ULK4: variants seen among roughly 807,000 people sequenced by gnomAD.
ULK4 encodes the protein unc-51 like kinase 4.
Under a neutral mutation model 160.6 loss-of-function variants are expected in ULK4, and 133 were observed. That is an observed-to-expected ratio of 0.83 (90% confidence interval 0.72 to 0.96). The LOEUF (loss-of-function observed/expected upper bound fraction) is 0.96, where lower values mean the gene tolerates loss of function less well. ULK4 is among the 40% of genes least tolerant of loss of function. The probability of loss-of-function intolerance (pLI) is 0.00; values close to 1 mark genes in which losing one functional copy is unlikely to be tolerated. For missense variants in ULK4, 1,580 were observed against 1,499.5 expected (o/e 1.05, Z -0.89); for synonymous variants, 534 against 539.8 (o/e 0.99, Z 0.15).
intron 27 of ULK4, among the ~76,000 whole-genome samples, chr3:41,691,601 T>C (rs528969254): frequency 1.4e-4 from 21 of 151,832 alleles, no homozygotes; most frequent in Non-Finnish European, 2.4e-4. Context: ...CTTCCAAATA[T>C]CCATTTTAAA....
intron 30 of ULK4, among the ~76,000 whole-genome samples, chr3:41,635,262 G>A (rs558344832): frequency 1.4e-4 from 21 of 152,150 alleles, no homozygotes; most frequent in African/African-American, 5.1e-4. Flanking sequence ...CCATTGAAAA[G>A]GCTATCTTGT....
At chr3:41,678,455 C>T (rs147092342) in intron 29 of ULK4, among the ~76,000 whole-genome samples, 2 of 152,072 alleles carry the variant, frequency 1.3e-5, no homozygotes, top group Non-Finnish European at 2.9e-5. Context: ...AACCATTTAA[C>T]TACCAAGTGG....
At chr3:41,382,751 A>G (rs2081687094) in intron 35 of ULK4, among the ~76,000 whole-genome samples, 1 of 152,180 alleles carries the variant, frequency 6.6e-6, no homozygotes, top group African/African-American at 2.4e-5. Context: ...AATATTGTAA[A>G]TATCAACTGA....
At chr3:41,602,217 A>G (rs894628811) in intron 31 of ULK4, among the ~76,000 whole-genome samples, 1 of 150,322 alleles carries the variant, frequency 6.7e-6, no homozygotes, top group Non-Finnish European at 1.5e-5. Context: ...GAAGGGAAGG[A>G]AGAGAAGAAA....
chr3:41,844,939 T>C (rs551135714), intron 17 of ULK4, among the ~76,000 whole-genome samples: 38 of 152,054 alleles, frequency 2.5e-4, no homozygotes, highest in Non-Finnish European at 4.3e-4. Flanking sequence ...TTATTTGTAA[T>C]TGTCAAAACT....
At chr3:41,331,868 T>C (rs2080449362) in intron 35 of ULK4, among the ~76,000 whole-genome samples, 1 of 152,198 alleles carries the variant, frequency 6.6e-6, no homozygotes, top group African/African-American at 2.4e-5. Flanking sequence ...AGGTGATCAA[T>C]GGATGTTTGT....
chr3:41,864,171 C>T (rs1429990633), intron 17 of ULK4, among the ~76,000 whole-genome samples: 1 of 127,508 alleles, frequency 7.8e-6, no homozygotes, highest in East Asian at 2.0e-4. Context: ...TACATGCTCT[C>T]TCCATGGCAG....
chr3:41,723,678 A>G (rs1370565599), intron 22 of ULK4, among the ~76,000 whole-genome samples: 1 of 152,256 alleles, frequency 6.6e-6, no homozygotes, highest in African/African-American at 2.4e-5. Context: ...GCTTGCACTC[A>G]GGCAAAAGTT....
At chr3:41,299,791 T>C (rs2079745351) in intron 35 of ULK4, among the ~76,000 whole-genome samples, 1 of 152,228 alleles carries the variant, frequency 6.6e-6, no homozygotes, top group African/African-American at 2.4e-5. Flanking sequence ...TTTATTATAA[T>C]AATCACTAAT....
intron 21 of ULK4, among the ~76,000 whole-genome samples, chr3:41,771,245 T>C (rs1011114520): frequency 5.9e-5 from 9 of 152,162 alleles, no homozygotes; most frequent in Non-Finnish European, 7.3e-5. Flanking sequence ...TGTTCAAAAG[T>C]TAATTAGTTT....
intron 32 of ULK4, among the ~76,000 whole-genome samples, chr3:41,537,295 A>G (rs914722291): frequency 7.9e-5 from 12 of 152,162 alleles, no homozygotes; most frequent in Non-Finnish European, 1.3e-4. Flanking sequence ...TCCAGCAGGA[A>G]TTTATTGTTT....
chr3:41,329,349 T>A (rs1264853899), intron 35 of ULK4, among the ~76,000 whole-genome samples: 1 of 152,226 alleles, frequency 6.6e-6, no homozygotes, highest in Non-Finnish European at 1.5e-5. Flanking sequence ...TATTATAGTA[T>A]CCACTGCCTC....
At chr3:41,941,755 C>CAAAAAAAAAAAAAAAAAAAA (rs565727539) in intron 2 of ULK4, among the ~76,000 whole-genome samples, 4 of 30,752 alleles carry the variant, frequency 1.3e-4, no homozygotes, top group Admixed American at 6.8e-4. Context: ...GACTCTGTCT[C>CAAAAAAAAAAAAAAAAAAAA]AAAAAAAAAA....
At chr3:41,724,801 C>T (rs1373192058) in intron 22 of ULK4, among the ~76,000 whole-genome samples, 1 of 152,136 alleles carries the variant, frequency 6.6e-6, no homozygotes, top group Admixed American at 6.5e-5. Flanking sequence ...TAATCACAGC[C>T]ATTCTAGTGG....
chr3:41,833,274 G>GT (rs544697085), intron 18 of ULK4, among the ~76,000 whole-genome samples: 181 of 135,096 alleles, frequency 1.3e-3, no homozygotes, highest in East Asian at 8.6e-3. Context: ...TTCTTAAGTT[G>GT]TTTTTTTTTT....
chr3:41,912,721 C>T, intron 9 of ULK4, 86 bp downstream of exon 9: 3 of 1,147,354 alleles, frequency 2.6e-6, no homozygotes, highest in Non-Finnish European at 3.7e-6. Context: ...AGAGAAATTC[C>T]AGTCATTGAT....
chr3:41,671,245 T>C (rs540406520), intron 29 of ULK4, among the ~76,000 whole-genome samples: 2 of 151,972 alleles, frequency 1.3e-5, no homozygotes, highest in Non-Finnish European at 2.9e-5. Flanking sequence ...TAAAAATTCA[T>C]ATGTAATGAC....
intron 35 of ULK4, among the ~76,000 whole-genome samples, chr3:41,390,529 C>G (rs1441899861): frequency 1.3e-5 from 2 of 152,110 alleles, no homozygotes; most frequent in African/African-American, 4.8e-5. Context: ...CCTCTACACA[C>G]TGCTTTGAAT....
At chr3:41,774,508 C>G (rs888150786) in intron 21 of ULK4, among the ~76,000 whole-genome samples, 4 of 149,300 alleles carry the variant, frequency 2.7e-5, no homozygotes, top group Non-Finnish European at 4.4e-5. Flanking sequence ...AAATGCAAAT[C>G]AAAACCACAA....
Sources: gnomAD v4.1 joint callset for allele counts (sites outside exome capture counted in the v4.1 genomes callset) on GRCh38, gnomAD v4.1.1 for gene constraint, MANE v1.5 for transcripts, NCBI Gene and HGNC (gene_info 2026-07-23, HGNC 2026-07-21) for gene names.